ADAMTS20: variants seen among roughly 807,000 people sequenced by gnomAD.
ADAMTS20 encodes ADAM metallopeptidase with thrombospondin type 1 motif 20, also known as A disintegrin and metalloproteinase with thrombospondin motifs 20.
ADAMTS20 carries 225 observed loss-of-function variants against 260.1 expected under a neutral mutation model. That is an observed-to-expected ratio of 0.87 (90% CI 0.78 to 0.97). ADAMTS20 has a LOEUF of 0.97. Ranked by LOEUF, ADAMTS20 falls within the 50% of genes least tolerant of loss-of-function variation. The pLI is 0.00. For missense variants in ADAMTS20, 2,400 were observed against 2,337.7 expected, an observed-to-expected ratio of 1.03 and a Z score of -0.55; for synonymous variants, 802 against 769.5, an observed-to-expected ratio of 1.04 and a Z score of -0.70.
chr12:43,452,504 A>AT lies in ADAMTS20; in HGVS notation c.1942+9dup. 1 of 1,609,202 alleles carries AT rather than the reference A, an allele frequency of 6.2e-7. No individual in the cohort carries two copies. ...AAATTTACATCAAAGAACCAGCATA[A>AT]TTTACTTACTGCCACTGTATCTTGG... On this transcript the variant is annotated intron_variant, in intron 13 of 38. Coordinates refer to ENST00000389420, the MANE Select transcript of ADAMTS20 (RefSeq NM_025003.5).
chr12:43,429,608 T>C lies in ADAMTS20; in HGVS notation c.3489+9A>G. The stretch of plus-strand genomic sequence containing the variant: ...AGAAACACTGTATCTATTAAAGAAA[T>C]TCACTTACTGGGGTCCAAGAACCAT... On this transcript the variant is annotated intron_variant, in intron 24 of 38. Coordinates refer to ENST00000389420, the MANE Select transcript of ADAMTS20 (RefSeq NM_025003.5). The C allele has an allele frequency of 6.4e-7, 1 of 1,567,772 alleles. No homozygotes were observed. Among genetic ancestry groups the C allele is most frequent in the East Asian group, 2.3e-5 (1 of 44,000 alleles).
chr12:43,436,625 G>A (rs952334415), intron 18 of ADAMTS20, among the ~76,000 whole-genome samples: 2 of 152,042 alleles, frequency 1.3e-5, no homozygotes, highest in African/African-American at 4.8e-5. Context: ...CATGGCTAGC[G>A]GCTACCATAT....
chr12:43,408,058 T>C (rs542916732), intron 28 of ADAMTS20, among the ~76,000 whole-genome samples: 1 of 152,184 alleles, frequency 6.6e-6, no homozygotes, highest in Non-Finnish European at 1.5e-5. Context: ...TAGGGTGACA[T>C]GGAGAAAAAT....
intron 3 of ADAMTS20, among the ~76,000 whole-genome samples, chr12:43,513,078 T>C (rs1196281108): frequency 6.6e-6 from 1 of 152,170 alleles, no homozygotes; most frequent in Non-Finnish European, 1.5e-5. Flanking sequence ...CTTTTGGCTC[T>C]ACTTAGAATA....
chr12:43,544,954 C>A (rs1439207907), intron 2 of ADAMTS20, among the ~76,000 whole-genome samples: 1 of 152,064 alleles, frequency 6.6e-6, no homozygotes, highest in Non-Finnish European at 1.5e-5. Context: ...ATATTGCTGG[C>A]CTGTACCCAT....
chr12:43,435,626 G>A (rs1313260860), intron 18 of ADAMTS20, among the ~76,000 whole-genome samples: 1 of 131,878 alleles, frequency 7.6e-6, no homozygotes, highest in African/African-American at 2.9e-5. Flanking sequence ...GGGCAACAGA[G>A]TGAGACTCCA....
chr12:43,551,978 C>G lies in ADAMTS20; in HGVS notation c.-57G>C. 1.3e-6 allele frequency: 2 copies of G among 1,490,238 alleles called. No homozygotes were observed. The highest frequency in any genetic ancestry group is 1.9e-6 in the Non-Finnish European group (2 of 1,071,132). 92.3% of individuals were successfully genotyped at this position (1,490,238 alleles called of 1,614,324 possible). On this transcript the variant is annotated 5_prime_UTR_variant, in exon 1 of 39. Transcript: ENST00000389420. The surrounding 1 kb of genome is among the most constrained non-coding windows in gnomAD (Gnocchi z 4.6). ...CCCACCAGAGCCGCCGGCAGCCAAGCCGGCTTCCCTCGCGCTCCGATCCCT... is the reference window on the plus strand; with the variant it reads ...CCCACCAGAGCCGCCGGCAGCCAAGGCGGCTTCCCTCGCGCTCCGATCCCT...
chr12:43,376,406 C>A, intron 33 of ADAMTS20, 76 bp from the exon 34 acceptor site: 1 of 1,445,364 alleles, frequency 6.9e-7, no homozygotes, highest in Non-Finnish European at 9.4e-7. Flanking sequence ...AGAAATATTG[C>A]TACACTCTGA....
chr12:43,429,592 G>GT, intron 24 of ADAMTS20, 25 bp downstream of exon 24: 1 of 1,491,878 alleles, frequency 6.7e-7, no homozygotes. Context: ...TAGAAACACT[G>GT]TATCTATTAA....
chr12:43,412,129 AC>A (rs1941043384), intron 28 of ADAMTS20, among the ~76,000 whole-genome samples: 1 of 152,224 alleles, frequency 6.6e-6, no homozygotes, highest in African/African-American at 2.4e-5. Flanking sequence ...GTAGGAAAAA[AC>A]CACAGGAGCA....
chr12:43,389,665 G>C (rs1286377765), intron 29 of ADAMTS20, among the ~76,000 whole-genome samples: 1 of 151,892 alleles, frequency 6.6e-6, no homozygotes, highest in Non-Finnish European at 1.5e-5. Context: ...CATGGCATCA[G>C]CTTAGTGGGG....
intron 7 of ADAMTS20, among the ~76,000 whole-genome samples, chr12:43,476,789 G>T (rs1218960227): frequency 2.1e-5 from 3 of 145,884 alleles, no homozygotes; most frequent in Non-Finnish European, 4.5e-5. Flanking sequence ...GGTGGGAATT[G>T]AACAATGAGA....
chr12:43,367,689 C>T (rs1466197355), intron 37 of ADAMTS20, among the ~76,000 whole-genome samples: 1 of 151,848 alleles, frequency 6.6e-6, no homozygotes, highest in Non-Finnish European at 1.5e-5. Context: ...ATGTAGTCCG[C>T]ACAATAAAAC....
intron 28 of ADAMTS20, among the ~76,000 whole-genome samples, chr12:43,409,506 G>T (rs898347720): frequency 6.9e-6 from 1 of 145,364 alleles, no homozygotes; most frequent in Non-Finnish European, 1.5e-5. Flanking sequence ...GGAGGCTGAG[G>T]CAGGAGAATG....
At chr12:43,532,512 G>A (rs1235297617) in intron 2 of ADAMTS20, among the ~76,000 whole-genome samples, 1 of 149,876 alleles carries the variant, frequency 6.7e-6, no homozygotes, top group East Asian at 2.0e-4. Flanking sequence ...AATAAAGCCT[G>A]TGCTTTTGAT....
intron 3 of ADAMTS20, among the ~76,000 whole-genome samples, chr12:43,521,461 G>T (rs1943071051): frequency 6.6e-6 from 1 of 152,116 alleles, no homozygotes; most frequent in Admixed American, 6.5e-5. Flanking sequence ...TGAGAAAAAT[G>T]TTTTCAGGAA....
chr12:43,356,047 C>T (rs1218817869), intron 38 of ADAMTS20, among the ~76,000 whole-genome samples: 83 of 152,042 alleles, frequency 5.5e-4, no homozygotes, highest in Admixed American at 5.4e-3. Flanking sequence ...CAACACCACC[C>T]CCATCACTAA....
chr12:43,420,074 T>C (rs540587836), intron 28 of ADAMTS20, among the ~76,000 whole-genome samples: 6 of 152,326 alleles, frequency 3.9e-5, no homozygotes, highest in African/African-American at 1.4e-4. Flanking sequence ...AATTGCCGAA[T>C]TATTTTACTG....
chr12:43,415,389 T>C (rs1941110979), intron 28 of ADAMTS20, among the ~76,000 whole-genome samples: 1 of 152,188 alleles, frequency 6.6e-6, no homozygotes, highest in South Asian at 2.1e-4. Context: ...TCCAAATTGA[T>C]GTCTCTCTTA....
Sources: allele counts gnomAD v4.1 joint callset (sites outside exome capture counted in the v4.1 genomes callset), GRCh38; gene constraint gnomAD v4.1.1; non-coding constraint Gnocchi (gnomAD v3.1); transcripts MANE v1.5; gene names NCBI Gene and HGNC (gene_info 2026-07-23, HGNC 2026-07-21).